PCDHGB3: variants seen among roughly 807,000 people sequenced by gnomAD.
The protein encoded by PCDHGB3 is protocadherin gamma-B3.
A neutral mutation model predicts 59.2 loss-of-function variants in PCDHGB3; 40 were observed. That is an observed-to-expected ratio of 0.68 (90% CI 0.52 to 0.88). PCDHGB3 has a LOEUF of 0.88. PCDHGB3 is among the 40% of genes least tolerant of loss of function. The pLI is 0.00. For missense variants in PCDHGB3, 1,309 were observed against 1,187.9 expected (o/e 1.10, Z -1.50); for synonymous variants, 581 against 503.6 (o/e 1.15, Z -2.06).
At position 141,379,889 on chromosome 5, in the gene PCDHGB3, C is replaced by CTTTTTTTTTTTTTTTTTT. The variant is rs70988800; in HGVS notation, c.2415+7093_2415+7110dup. On this transcript the variant is annotated intron_variant, in intron 1 of 3. Coordinates refer to ENST00000576222, the MANE Select transcript of PCDHGB3 (RefSeq NM_018924.5). ...CTTATTTTATGGTCTGTGAAAGCCT[C>CTTTTTTTTTTTTTTTTTT]TTTTTTTTTTTTTTTTTTTTTTTTT... is the stretch of plus-strand genomic sequence containing the variant. Among the ~76,000 whole-genome samples the CTTTTTTTTTTTTTTTTTT allele has an allele frequency of 4.1e-3, 211 of 50,852 alleles. 27 individuals are homozygous for CTTTTTTTTTTTTTTTTTT. The highest frequency in any genetic ancestry group is 6.1e-3 in the Non-Finnish European group (157 of 25,898). 33.4% of individuals were successfully genotyped at this position (50,852 alleles called of 152,430 possible). A position where few individuals can be genotyped will look rare whatever the true frequency, so the allele number is the denominator to read the frequency against.
intron 1 of PCDHGB3, among the ~76,000 whole-genome samples, chr5:141,425,036 G>A (rs574813328): frequency 1.3e-5 from 2 of 152,238 alleles, no homozygotes; most frequent in East Asian, 3.9e-4. Context: ...GTCATTAGTT[G>A]TAAACTGACT....
At chr5:141,421,603 G>T (rs1207844782) in intron 1 of PCDHGB3, 4 of 1,613,758 alleles carry the variant, frequency 2.5e-6, no homozygotes, top group Non-Finnish European at 3.4e-6. Context: ...GGAAATAATA[G>T]ATATTAATGA....
At chr5:141,374,898 G>T in intron 1 of PCDHGB3, 3 of 1,613,794 alleles carry the variant, frequency 1.9e-6, no homozygotes, top group Non-Finnish European at 2.5e-6. Context: ...CAGGATGAAG[G>T]AGTCCACGGG....
At chr5:141,410,177 A>G in intron 1 of PCDHGB3, 1 of 1,613,626 alleles carries the variant, frequency 6.2e-7, no homozygotes, top group Non-Finnish European at 8.5e-7. Context: ...TGCCACCGCC[A>G]CGCTTCATCT....
rs766194298 is a variant in PCDHGB3, at chr5:141,371,101, A to T, written c.707A>T (p.Asn236Ile). The change falls in exon 1 of 4, where the codon AAT (asparagine) becomes ATT (isoleucine). Residue 236 changes from asparagine (N) to isoleucine (I), a missense_variant. Transcript: ENST00000576222. The stretch of plus-strand genomic sequence containing the variant: ...ATCAGGGTAATTGTCGCAGATGCAA[A>T]TGATAACCCCCCAGTATTTACTCAG... ...TQIRVIVADA[N>I]DNPPVFTQDM... 1.2e-6 allele frequency: 2 copies of T among 1,613,794 alleles called. No individual in the cohort carries two copies. The highest frequency in any genetic ancestry group is 1.1e-5 in the South Asian group (1 of 91,076).
At chr5:141,389,765 G>C in intron 1 of PCDHGB3, 1 of 1,612,992 alleles carries the variant, frequency 6.2e-7, no homozygotes, top group Non-Finnish European at 8.5e-7. Context: ...TGCGCACAGC[G>C]CGTGCCTTAG....
chr5:141,426,363 C>T (rs994657779), intron 1 of PCDHGB3: 12 of 202,404 alleles, frequency 5.9e-5, no homozygotes, highest in East Asian at 4.4e-4. Context: ...CTTTGTTCTG[C>T]GGGGCACCCT....
intron 1 of PCDHGB3, chr5:141,404,714 G>A: frequency 3.1e-6 from 5 of 1,614,068 alleles, no homozygotes; most frequent in Non-Finnish European, 4.2e-6. Flanking sequence ...TGGCTACCTG[G>A]TGACCAAGGT....
At chr5:141,480,982 C>T (rs1258067957) in intron 1 of PCDHGB3, among the ~76,000 whole-genome samples, 1 of 152,150 alleles carries the variant, frequency 6.6e-6, no homozygotes, top group African/African-American at 2.4e-5. Context: ...TCAGTGAACC[C>T]AGGATGTGGA....
rs201408987 is a variant in PCDHGB3, at chr5:141,476,857, C to T, written c.2416-17950C>T. 12 of 1,613,768 alleles carry T rather than the reference C, an allele frequency of 7.4e-6. No individual in the cohort carries two copies. The highest frequency in any genetic ancestry group is 1.0e-5 in the Non-Finnish European group (12 of 1,180,054). ...ACAATGCGCCTGTCTTCAACCAGTC[C>T]TTGTACCGGGCGCGCGTCCTGGAGG... On this transcript the variant is annotated intron_variant, in intron 1 of 3. Transcript: ENST00000576222. The surrounding 1 kb of genome is among the most constrained non-coding windows in gnomAD (Gnocchi z 7.6).
chr5:141,388,676 G>C, intron 1 of PCDHGB3: 1 of 1,613,946 alleles, frequency 6.2e-7, no homozygotes, highest in Non-Finnish European at 8.5e-7. Context: ...TGCTACAGGT[G>C]ACTGCCACGG....
chr5:141,383,480 T>C, intron 1 of PCDHGB3: 2 of 1,613,740 alleles, frequency 1.2e-6, no homozygotes, highest in Non-Finnish European at 1.7e-6. Context: ...TACCCGGAAC[T>C]GGTGCTGGAG....
chr5:141,418,776 C>G (rs763308217), intron 1 of PCDHGB3: 1 of 1,613,806 alleles, frequency 6.2e-7, no homozygotes, highest in East Asian at 2.2e-5. Flanking sequence ...ACTCAGCAGC[C>G]TTTGGATTTT....
At chr5:141,463,296 C>T (rs1194250577) in intron 1 of PCDHGB3, among the ~76,000 whole-genome samples, 1 of 151,986 alleles carries the variant, frequency 6.6e-6, no homozygotes, top group African/African-American at 2.4e-5. Flanking sequence ...CTCCTAATCT[C>T]CCCAAACTCT....
chr5:141,490,128 C>T lies in PCDHGB3; in HGVS notation c.2416-4679C>T, dbSNP rs970815408. 1.2e-6 allele frequency: 2 copies of T among 1,614,254 alleles called. No homozygotes were observed. Among genetic ancestry groups the T allele is most frequent in the Non-Finnish European group, 8.5e-7 (1 of 1,180,042 alleles). ...CAGTGCGGAACCTCTTTGGCCTAGA[C>T]CCTAGCAGTGGGGCAATCCATGTGT... On this transcript the variant is annotated intron_variant, in intron 1 of 3. Transcript: ENST00000576222. The surrounding 1 kb of genome is among the most constrained non-coding windows in gnomAD (Gnocchi z 5.4).
chr5:141,460,792 A>T (rs1028557260), intron 1 of PCDHGB3, among the ~76,000 whole-genome samples: 30 of 152,012 alleles, frequency 2.0e-4, no homozygotes, highest in Non-Finnish European at 2.9e-5. Context: ...ATATACACAC[A>T]AAGTATATAT....
chr5:141,377,732 C>A (rs554693714), intron 1 of PCDHGB3: 2 of 152,264 alleles, frequency 1.3e-5, no homozygotes, highest in African/African-American at 4.8e-5. Flanking sequence ...AGATAAGAAT[C>A]ATTGGTAACT....
intron 1 of PCDHGB3, chr5:141,375,627 A>T (rs1561569034): frequency 6.2e-7 from 1 of 1,614,066 alleles, no homozygotes; most frequent in Non-Finnish European, 8.5e-7. Flanking sequence ...GGGATTCTGT[A>T]CGCCCTGCGC....
At chr5:141,388,333 C>G (rs962073146) in intron 1 of PCDHGB3, 1 of 1,613,738 alleles carries the variant, frequency 6.2e-7, no homozygotes, top group African/African-American at 1.3e-5. Flanking sequence ...CAGCCTGGCA[C>G]ACGATTTATA....
Sources: allele counts gnomAD v4.1 joint callset (sites outside exome capture counted in the v4.1 genomes callset), GRCh38; gene constraint gnomAD v4.1.1; non-coding constraint Gnocchi (gnomAD v3.1); transcripts MANE v1.5; gene names NCBI Gene and HGNC (gene_info 2026-07-23, HGNC 2026-07-21).